CCDC91: variants seen among roughly 807,000 people sequenced by gnomAD.
CCDC91 encodes coiled-coil domain containing 91.
Under a neutral mutation model 63.2 loss-of-function variants are expected in CCDC91, and 48 were observed. The ratio of observed to expected loss-of-function variants is 0.76; its 90% CI spans 0.60 to 0.97. The LOEUF is 0.97. Among genes scored for constraint, CCDC91 ranks in the 50% least tolerant of loss-of-function variants. The probability of loss-of-function intolerance (pLI) is 0.00; values close to 1 mark genes in which losing one functional copy is unlikely to be tolerated. For synonymous variants in CCDC91, 167 were observed against 165.8 expected, an observed-to-expected ratio of 1.01 and a Z score of -0.06; for missense variants, 500 against 494.6, an observed-to-expected ratio of 1.01 and a Z score of -0.10.
rs543513829 is a variant in CCDC91 at position 28,305,775 on chromosome 12, G to C, written c.236G>C (p.Ser79Thr). ...CCAGAGAATACACATGCAGCAAATA[G>C]CATTGTGAGTCAAACTATTCCAAAA... ...SSPENTHAAN[S>T]IVSQTIPKAQ... The change falls in exon 4 of 13, where the codon AGC (serine) becomes ACC (threonine). Residue 79 changes from serine to threonine, a missense_variant. Ser to Thr is a moderately conservative substitution (Grantham distance 58, BLOSUM62 1). Coordinates refer to ENST00000536442, the MANE Select transcript of CCDC91 (RefSeq NM_018318.5). The C allele has an allele frequency of 1.2e-6, 2 of 1,612,858 alleles. No individual in the cohort carries two copies. The highest frequency in any genetic ancestry group is 2.2e-5 in the South Asian group (2 of 91,002).
chr12:28,225,610 T>TA (rs1427023017), intron 1 of CCDC91, among the ~76,000 whole-genome samples: 4 of 152,002 alleles, frequency 2.6e-5, no homozygotes, highest in African/African-American at 9.7e-5. Context: ...CACCTGCTAC[T>TA]ACACCTGGCT....
intron 11 of CCDC91, among the ~76,000 whole-genome samples, chr12:28,483,083 T>G (rs537208556): frequency 6.6e-6 from 1 of 152,100 alleles, no homozygotes; most frequent in African/African-American, 2.4e-5. Context: ...TTTCCACGTT[T>G]CCATTTTTTA....
intron 1 of CCDC91, among the ~76,000 whole-genome samples, chr12:28,201,965 C>T (rs539446360): frequency 4.6e-5 from 7 of 151,908 alleles, no homozygotes; most frequent in South Asian, 2.1e-4. Context: ...TGCAGTGAGC[C>T]GAGATGGCAG....
intron 11 of CCDC91, among the ~76,000 whole-genome samples, chr12:28,468,920 T>C (rs771115603): frequency 6.6e-5 from 10 of 151,980 alleles, no homozygotes; most frequent in Non-Finnish European, 1.5e-4. Context: ...AAAAACTGGG[T>C]ATAGTAGGAA....
At chr12:28,513,005 AG>A (rs1228633507) in intron 12 of CCDC91, among the ~76,000 whole-genome samples, 1 of 151,986 alleles carries the variant, frequency 6.6e-6, no homozygotes, top group African/African-American at 2.4e-5. Flanking sequence ...CTGTTAGCAA[AG>A]CTTTTCCTAG....
At position 28,446,286 on chromosome 12, in the gene CCDC91, T is replaced by C. The variant is rs529954040; in HGVS notation, c.763-3875T>C. Among the ~76,000 whole-genome samples the C allele has an allele frequency of 3.5e-4, 53 of 152,340 alleles. 1 individual carries two copies. The highest frequency in any genetic ancestry group is 1.3e-3 in the African/African-American group (52 of 41,586). ...CATGAAAAATCAGTTCAATATCTTT[T>C]GTGGCTATTGTGAAGCTTACTCACA... On this transcript the variant is annotated intron_variant, in intron 8 of 12. Coordinates refer to ENST00000536442, the MANE Select transcript of CCDC91 (RefSeq NM_018318.5).
chr12:28,226,995 T>G (rs1426659781), intron 1 of CCDC91, among the ~76,000 whole-genome samples: 1 of 152,108 alleles, frequency 6.6e-6, no homozygotes, highest in African/African-American at 2.4e-5. Flanking sequence ...GATATGATGT[T>G]TTTCCTCATG....
At chr12:28,214,120 T>G (rs973159345) in intron 1 of CCDC91, among the ~76,000 whole-genome samples, 3 of 152,138 alleles carry the variant, frequency 2.0e-5, no homozygotes, top group African/African-American at 7.2e-5. Flanking sequence ...TAGTTCCAGA[T>G]GGTGGAATGC....
chr12:28,391,438 A>T, intron 8 of CCDC91, 27 bp downstream of exon 8: 1 of 1,353,022 alleles, frequency 7.4e-7, no homozygotes, highest in Non-Finnish European at 1.1e-6. Flanking sequence ...TCCATTATAT[A>T]TTTATACTTT....
intron 7 of CCDC91, among the ~76,000 whole-genome samples, chr12:28,376,307 A>G (rs1944942172): frequency 6.6e-6 from 1 of 151,676 alleles, no homozygotes; most frequent in African/African-American, 2.4e-5. Flanking sequence ...ATGTGCTTAT[A>G]TTGTATCCCA....
intron 12 of CCDC91, among the ~76,000 whole-genome samples, chr12:28,487,426 T>C (rs963799599): frequency 1.3e-5 from 2 of 151,848 alleles, no homozygotes; most frequent in African/African-American, 4.8e-5. Flanking sequence ...TTTATGAATA[T>C]CTTGGGGTTT....
intron 6 of CCDC91, among the ~76,000 whole-genome samples, chr12:28,319,880 C>G (rs1940301366): frequency 6.6e-6 from 1 of 151,622 alleles, no homozygotes; most frequent in African/African-American, 2.4e-5. Flanking sequence ...TACTTTTTTA[C>G]CCCCAGCTGG....
intron 7 of CCDC91, among the ~76,000 whole-genome samples, chr12:28,378,730 G>T (rs1308333180): frequency 2.0e-5 from 3 of 151,952 alleles, no homozygotes; most frequent in Non-Finnish European, 4.4e-5. Flanking sequence ...GATTTTTCCT[G>T]GACAAATAAA....
chr12:28,528,902 A>G (rs1320099965), intron 12 of CCDC91, among the ~76,000 whole-genome samples: 1 of 152,204 alleles, frequency 6.6e-6, no homozygotes, highest in Non-Finnish European at 1.5e-5. Flanking sequence ...GTGGAATACT[A>G]TGCATCCATT....
At chr12:28,467,251 C>T (rs1472443396) in intron 11 of CCDC91, among the ~76,000 whole-genome samples, 1 of 151,856 alleles carries the variant, frequency 6.6e-6, no homozygotes, top group Non-Finnish European at 1.5e-5. Flanking sequence ...CACACATAGA[C>T]TGAAGAAAAA....
chr12:28,382,930 G>A (rs1163657385), intron 7 of CCDC91, among the ~76,000 whole-genome samples: 4 of 151,884 alleles, frequency 2.6e-5, no homozygotes, highest in Admixed American at 2.6e-4. Flanking sequence ...GAATAATGTG[G>A]CATCTGAGGG....
At chr12:28,479,375 A>T (rs1951312377) in intron 11 of CCDC91, among the ~76,000 whole-genome samples, 2 of 152,056 alleles carry the variant, frequency 1.3e-5, no homozygotes, top group African/African-American at 4.8e-5. Context: ...AGAAAACCAA[A>T]CACCTGCATG....
intron 11 of CCDC91, among the ~76,000 whole-genome samples, chr12:28,473,957 G>A (rs533130409): frequency 8.9e-5 from 13 of 145,488 alleles, no homozygotes; most frequent in African/African-American, 3.2e-4. Flanking sequence ...AATTTTAGTT[G>A]TAGTGTGCAT....
At chr12:28,249,792 A>C (rs1946002171) in intron 1 of CCDC91, among the ~76,000 whole-genome samples, 1 of 151,986 alleles carries the variant, frequency 6.6e-6, no homozygotes, top group Non-Finnish European at 1.5e-5. Flanking sequence ...CCTTCTATTG[A>C]AAACAGGCCT....
Sources: allele counts gnomAD v4.1 joint callset (sites outside exome capture counted in the v4.1 genomes callset), GRCh38; gene constraint gnomAD v4.1.1; transcripts MANE v1.5; gene names NCBI Gene and HGNC (gene_info 2026-07-23, HGNC 2026-07-21).